GRM7: variants seen among roughly 807,000 people sequenced by gnomAD.
GRM7 encodes glutamate metabotropic receptor 7, also known as metabotropic glutamate receptor 7.
A neutral mutation model predicts 84.5 loss-of-function variants in GRM7; 35 were observed. The ratio of observed to expected loss-of-function variants is 0.41; its 90% CI spans 0.32 to 0.55. The LOEUF is 0.55. Among genes scored for constraint, GRM7 ranks in the 20% least tolerant of loss-of-function variants. The pLI is 0.19. For synonymous variants in GRM7, 487 were observed against 455.1 expected (o/e 1.07, Z -0.89); for missense variants, 1,003 against 1,194.6 (o/e 0.84, Z 2.36).
chr3:7,099,156 G>T (rs1239766451), intron 1 of GRM7, among the ~76,000 whole-genome samples: 2 of 150,532 alleles, frequency 1.3e-5, no homozygotes, highest in Non-Finnish European at 3.0e-5. Context: ...AAAACATTAG[G>T]CCCAAAGAAG....
chr3:7,437,016 G>A (rs1697084580), intron 5 of GRM7, among the ~76,000 whole-genome samples: 1 of 152,116 alleles, frequency 6.6e-6, no homozygotes, highest in Non-Finnish European at 1.5e-5. Flanking sequence ...TAGACATCAA[G>A]TCCAATGTAT....
chr3:7,074,802 T>G (rs1390840795), intron 1 of GRM7, among the ~76,000 whole-genome samples: 1 of 152,222 alleles, frequency 6.6e-6, no homozygotes, highest in Non-Finnish European at 1.5e-5. Context: ...GGAATGGTTT[T>G]AATATCTACC....
At chr3:7,634,890 G>C (rs1339303866) in intron 8 of GRM7, among the ~76,000 whole-genome samples, 1 of 152,006 alleles carries the variant, frequency 6.6e-6, no homozygotes, top group Admixed American at 6.6e-5. Context: ...ACCCACAAAA[G>C]CCAACAGAAG....
rs111474386 is a variant in GRM7 at position 7,557,848 on chromosome 3, A to G, written c.1516-20574A>G. Reference sequence around the variant, plus strand: ...TTTCCAAATAAGGCAGGATCACCCCACAGAACTTTTGAGTTGAGCAACTTG... The same window carrying G: ...TTTCCAAATAAGGCAGGATCACCCCGCAGAACTTTTGAGTTGAGCAACTTG... On this transcript the variant is annotated intron_variant, in intron 7 of 9. Coordinates refer to ENST00000357716, the MANE Select transcript of GRM7 (RefSeq NM_000844.4). 4.1e-3 allele frequency among the ~76,000 whole-genome samples: 621 copies of G among 152,236 alleles called. 4 individuals are homozygous for G. Among genetic ancestry groups the G allele is most frequent in the African/African-American group, 0.014 (568 of 41,556 alleles).
intron 4 of GRM7, among the ~76,000 whole-genome samples, chr3:7,307,374 T>C (rs1256214627): frequency 6.6e-6 from 1 of 152,222 alleles, no homozygotes; most frequent in East Asian, 1.9e-4. Context: ...GCTTCTCTGC[T>C]GATAGCCTGC....
chr3:7,070,720 C>G (rs1697845030), intron 1 of GRM7, among the ~76,000 whole-genome samples: 1 of 149,350 alleles, frequency 6.7e-6, no homozygotes, highest in Admixed American at 6.6e-5. Context: ...CAGTCGGTTG[C>G]TCATATGACA....
chr3:6,916,680 C>T (rs1696952422), intron 1 of GRM7, among the ~76,000 whole-genome samples: 1 of 152,050 alleles, frequency 6.6e-6, no homozygotes. Flanking sequence ...GAACTCTGCC[C>T]TGATTATCTA....
chr3:7,536,508 C>G (rs1701249843), intron 7 of GRM7, among the ~76,000 whole-genome samples: 1 of 152,158 alleles, frequency 6.6e-6, no homozygotes, highest in African/African-American at 2.4e-5. Context: ...TATTTATGCC[C>G]TTGTGTAATC....
rs1310506164 is a variant in GRM7, at chr3:7,221,647, T to TA, written c.736+74979_736+74980insA. ...TTTATACTTCTTTTCATTTATTGTC[T>TA]CTACTGATATATTAATTTTAAATCT... On this transcript the variant is annotated intron_variant, in intron 2 of 9. Transcript: ENST00000357716. Among the ~76,000 whole-genome samples, 12 of 151,958 alleles carry TA rather than the reference T, an allele frequency of 7.9e-5. No individual in the cohort carries two copies. The East Asian group carries it at 2.3e-3, about 29-fold the overall frequency.
At chr3:7,732,653 T>G (rs17047872) in intron 9 of GRM7, among the ~76,000 whole-genome samples, 7,258 of 152,288 alleles carry the variant, frequency 0.048, 580 homozygotes, top group African/African-American at 0.16. Flanking sequence ...TTAAAGGCTT[T>G]TTATGAGAAC....
chr3:6,977,800 C>G (rs923614712), intron 1 of GRM7, among the ~76,000 whole-genome samples: 2 of 152,080 alleles, frequency 1.3e-5, no homozygotes, highest in African/African-American at 4.8e-5. Context: ...ATCATAAATT[C>G]TTGGAAAAGT....
At chr3:7,157,256 G>C (rs1259922091) in intron 2 of GRM7, among the ~76,000 whole-genome samples, 1 of 152,080 alleles carries the variant, frequency 6.6e-6, no homozygotes, top group African/African-American at 2.4e-5. Context: ...GTTGACTGAC[G>C]ATTCCATAAG....
At chr3:7,252,931 C>T (rs1315437167) in intron 2 of GRM7, among the ~76,000 whole-genome samples, 1 of 149,686 alleles carries the variant, frequency 6.7e-6, no homozygotes, top group East Asian at 2.0e-4. Flanking sequence ...ACCTCGTGAT[C>T]CACCTGCCTC....
chr3:7,136,458 C>A (rs1043179397), intron 1 of GRM7, among the ~76,000 whole-genome samples: 14 of 152,070 alleles, frequency 9.2e-5, no homozygotes, highest in African/African-American at 3.4e-4. Context: ...GAGTGAGCAG[C>A]TTCCTAAATG....
chr3:6,881,278 T>C (rs1695498197), intron 1 of GRM7, among the ~76,000 whole-genome samples: 2 of 152,168 alleles, frequency 1.3e-5, no homozygotes, highest in Admixed American at 1.3e-4. Context: ...TGTTTCCTAA[T>C]GCTCTCCCTT....
At chr3:7,330,174 C>G (rs9855698) in intron 4 of GRM7, among the ~76,000 whole-genome samples, 21,954 of 152,090 alleles carry the variant, frequency 0.14, 1,820 homozygotes, top group African/African-American at 0.21. Flanking sequence ...GTCAGTTTGT[C>G]AAATATATAT....
At chr3:7,090,237 T>A (rs932848857) in intron 1 of GRM7, among the ~76,000 whole-genome samples, 1 of 151,930 alleles carries the variant, frequency 6.6e-6, no homozygotes, top group African/African-American at 2.4e-5. Context: ...TTGAGAACAG[T>A]GATGTGAAAA....
chr3:7,230,223 A>T (rs957782474), intron 2 of GRM7, among the ~76,000 whole-genome samples: 11 of 152,166 alleles, frequency 7.2e-5, no homozygotes, highest in Non-Finnish European at 1.0e-4. Flanking sequence ...AAACACATTT[A>T]TGTTTACAAC....
chr3:7,511,128 C>T (rs1193210793), intron 7 of GRM7, among the ~76,000 whole-genome samples: 1 of 152,114 alleles, frequency 6.6e-6, no homozygotes, highest in Non-Finnish European at 1.5e-5. Context: ...TCTGATTACC[C>T]ACATCCTAAT....
Sources: allele counts gnomAD v4.1 joint callset (sites outside exome capture counted in the v4.1 genomes callset), GRCh38; gene constraint gnomAD v4.1.1; transcripts MANE v1.5; gene names NCBI Gene and HGNC (gene_info 2026-07-23, HGNC 2026-07-21).